The following MYL4 variants were observed in gnomAD, a reference collection of about 807,000 sequenced individuals.
MYL4 encodes myosin light chain 4.
MYL4 carries 16 observed loss-of-function variants against 21.6 expected under a neutral mutation model. That is an observed-to-expected ratio of 0.74 (90% CI 0.50 to 1.12). The LOEUF (loss-of-function observed/expected upper bound fraction) is 1.12. Among genes scored for constraint, MYL4 ranks in the 50% most tolerant of loss-of-function variants. The pLI, the probability that MYL4 is intolerant of heterozygous loss-of-function variation, is 0.00. For synonymous variants in MYL4, 82 were observed against 95.7 expected, an observed-to-expected ratio of 0.86 and a Z score of 0.83; for missense variants, 249 against 252.9, an observed-to-expected ratio of 0.98 and a Z score of 0.11.
chr17:47,200,231 G>A (rs2064704642), upstream of MYL4, among the ~76,000 whole-genome samples: 2 of 151,044 alleles, frequency 1.3e-5, no homozygotes. Flanking sequence ...GAGGAAGTCA[G>A]TGGAAAGGGA....
chr17:47,218,022 C>T (rs985273734), intron 2 of MYL4, among the ~76,000 whole-genome samples: 1 of 122,756 alleles, frequency 8.1e-6, no homozygotes, highest in Non-Finnish European at 1.7e-5. Context: ...GCCTGGGCAA[C>T]AAGAGTGAAA....
At chr17:47,213,944 A>G (rs1170008373) in intron 2 of MYL4, 118 bp downstream of exon 2, 1 of 1,209,026 alleles carries the variant, frequency 8.3e-7, no homozygotes, top group Non-Finnish European at 1.2e-6. Flanking sequence ...TGTCATCATC[A>G]TAGCAAACCT....
chr17:47,192,506 G>A, the MYL4 span, among the ~76,000 whole-genome samples: 5 of 150,866 alleles, frequency 3.3e-5, no homozygotes, highest in East Asian at 3.9e-4. Context: ...AAAATTGGCC[G>A]GGCGTGGTGG....
intron 3 of MYL4, among the ~76,000 whole-genome samples, chr17:47,220,483 G>C (rs2149047848): frequency 6.6e-6 from 1 of 152,336 alleles, no homozygotes; most frequent in South Asian, 2.1e-4. Context: ...TTCTAATAAT[G>C]GTTAGAGTAC....
At chr17:47,210,784 A>G (rs1233079773) in intron 1 of MYL4, among the ~76,000 whole-genome samples, 1 of 152,088 alleles carries the variant, frequency 6.6e-6, no homozygotes, top group Non-Finnish European at 1.5e-5. Flanking sequence ...GAGCTTGGTT[A>G]TGGCTCACTC....
chr17:47,199,880 C>T (rs2064703532), upstream of MYL4, among the ~76,000 whole-genome samples: 1 of 151,412 alleles, frequency 6.6e-6, no homozygotes, highest in Non-Finnish European at 1.5e-5. Context: ...GGACTACAGG[C>T]ATGTGCCACC....
upstream of MYL4, among the ~76,000 whole-genome samples, chr17:47,199,894 C>T (rs2064703577): frequency 6.6e-6 from 1 of 151,344 alleles, no homozygotes; most frequent in South Asian, 2.1e-4. Flanking sequence ...TGCCACCATA[C>T]CTGGCTAATT....
chr17:47,209,008 C>T (rs1567744588), upstream of MYL4: 2 of 232,984 alleles, frequency 8.6e-6, no homozygotes, highest in South Asian at 1.2e-4. Flanking sequence ...TAAAAAAAGC[C>T]TCACCCTCCC....
At chr17:47,220,196 C>A (rs757177999) in intron 3 of MYL4, 143 bp downstream of exon 3, 14 of 1,014,778 alleles carry the variant, frequency 1.4e-5, no homozygotes, top group East Asian at 2.7e-5. Flanking sequence ...ACCCAGCTTA[C>A]CCTAGTCCCA....
chr17:47,195,230 T>C, the MYL4 span, among the ~76,000 whole-genome samples: 13 of 101,674 alleles, frequency 1.3e-4, no homozygotes, highest in East Asian at 9.7e-3. Flanking sequence ...AGTGGGCTAA[T>C]TTTTTTTTTT....
chr17:47,204,300 C>G (rs1170704932), upstream of MYL4, among the ~76,000 whole-genome samples: 1 of 152,210 alleles, frequency 6.6e-6, no homozygotes, highest in Non-Finnish European at 1.5e-5. Context: ...CACACCAATT[C>G]AAAACAAGGT....
chr17:47,206,034 T>C (rs912287580), upstream of MYL4, among the ~76,000 whole-genome samples: 8 of 152,220 alleles, frequency 5.3e-5, no homozygotes, highest in African/African-American at 1.9e-4. Context: ...GAATGTTTCC[T>C]ACATGGCAGA....
chr17:47,196,328 A>T (rs1400165324), upstream of MYL4, among the ~76,000 whole-genome samples: 1 of 152,208 alleles, frequency 6.6e-6, no homozygotes, highest in African/African-American at 2.4e-5. Flanking sequence ...CACTTTGATC[A>T]TGGACCTCTA....
chr17:47,208,553 AC>A (rs2064746533), upstream of MYL4, among the ~76,000 whole-genome samples: 1 of 44,602 alleles, frequency 2.2e-5, no homozygotes, highest in Non-Finnish European at 4.5e-5. Flanking sequence ...TAAGCACTAC[AC>A]ACACACACAC....
the MYL4 span, among the ~76,000 whole-genome samples, chr17:47,191,845 CT>C: frequency 6.6e-6 from 1 of 152,174 alleles, no homozygotes; most frequent in Non-Finnish European, 1.5e-5. Context: ...GGACTCAGCT[CT>C]TTTTCACACA....
At chr17:47,211,327 A>G (rs1280474280) in intron 1 of MYL4, among the ~76,000 whole-genome samples, 1 of 152,008 alleles carries the variant, frequency 6.6e-6, no homozygotes, top group Non-Finnish European at 1.5e-5. Flanking sequence ...GCGGGAGGGT[A>G]ATTTGAGGCC....
chr17:47,209,796 C>A (rs1434246290), intron 1 of MYL4: 3 of 604,280 alleles, frequency 5.0e-6, no homozygotes, highest in Non-Finnish European at 8.7e-6. Context: ...TGTCCTGCTA[C>A]CCTAGATTTG....
chr17:47,214,574 A>G (rs895181431), intron 2 of MYL4, among the ~76,000 whole-genome samples: 1 of 152,250 alleles, frequency 6.6e-6, no homozygotes, highest in Non-Finnish European at 1.5e-5. Context: ...TTTAAAACTT[A>G]AATGAATATT....
upstream of MYL4, among the ~76,000 whole-genome samples, chr17:47,197,388 G>A (rs147843135): frequency 3.0e-4 from 46 of 152,166 alleles, no homozygotes; most frequent in African/African-American, 1.0e-3. Context: ...ATGAGCCACC[G>A]CACCCGGCCA....
Sources: allele counts gnomAD v4.1 joint callset (sites outside exome capture counted in the v4.1 genomes callset), GRCh38; gene constraint gnomAD v4.1.1; transcripts MANE v1.5; gene names NCBI Gene and HGNC (gene_info 2026-07-23, HGNC 2026-07-21).